ASXL1: variants seen among roughly 807,000 people sequenced by gnomAD.
The protein encoded by ASXL1 is polycomb group protein ASXL1.
A neutral mutation model predicts 89.1 loss-of-function variants in ASXL1; 65 were observed. That is an observed-to-expected ratio of 0.73 (90% confidence interval 0.60 to 0.90). The LOEUF is 0.90. Among genes scored for constraint, ASXL1 ranks in the 40% least tolerant of loss-of-function variants. ASXL1 has a pLI of 0.00. For missense variants in ASXL1, 1,786 were observed against 1,942.9 expected, an observed-to-expected ratio of 0.92 and a Z score of 1.52; for synonymous variants, 739 against 746.9, an observed-to-expected ratio of 0.99 and a Z score of 0.17.
chr20:32,437,607 T>C lies in ASXL1; in HGVS notation c.*269T>C. The C allele has an allele frequency of 2.5e-6, 1 of 404,168 alleles. No homozygotes were observed. Among genetic ancestry groups the C allele is most frequent in the Non-Finnish European group, 4.4e-6 (1 of 228,892 alleles). 25.0% of individuals were successfully genotyped at this position (404,168 alleles called of 1,614,324 possible). ...AGACAGAGCCTGATGTGGCACGGAG[T>C]GGGGTTGCGGGGGGTGGGGGGACTG... On this transcript the variant is annotated 3_prime_UTR_variant, in exon 13 of 13. Coordinates refer to ENST00000375687, the MANE Select transcript of ASXL1 (RefSeq NM_015338.6).
At chr20:32,427,717 T>C (rs1405882909) in intron 4 of ASXL1, 4 of 273,922 alleles carry the variant, frequency 1.5e-5, no homozygotes, top group South Asian at 7.9e-5. Context: ...GCTCAACTCA[T>C]TGAAGTTAGG....
chr20:32,386,698 G>T (rs773971461), intron 4 of ASXL1, among the ~76,000 whole-genome samples: 17 of 151,908 alleles, frequency 1.1e-4, no homozygotes, highest in Non-Finnish European at 2.2e-4. Context: ...GATTACAGAT[G>T]AGAGCCACCG....
At chr20:32,416,413 C>T (rs2049139601) in intron 4 of ASXL1, among the ~76,000 whole-genome samples, 1 of 152,218 alleles carries the variant, frequency 6.6e-6, no homozygotes. Context: ...CCACCTGCCA[C>T]CCTGGCCTGT....
At chr20:32,382,894 T>C (rs2048513867) in intron 4 of ASXL1, among the ~76,000 whole-genome samples, 1 of 152,304 alleles carries the variant, frequency 6.6e-6, no homozygotes, top group African/African-American at 2.4e-5. Flanking sequence ...TTTTTAATGC[T>C]TGGAATCCTA....
intron 4 of ASXL1, among the ~76,000 whole-genome samples, chr20:32,426,218 A>T (rs1422935008): frequency 5.3e-5 from 8 of 152,128 alleles, no homozygotes; most frequent in African/African-American, 1.9e-4. Flanking sequence ...TATATTTTTT[A>T]GGTTTTGGCT....
intron 4 of ASXL1, among the ~76,000 whole-genome samples, chr20:32,388,173 T>C (rs1195861288): frequency 6.6e-6 from 1 of 152,070 alleles, no homozygotes; most frequent in Non-Finnish European, 1.5e-5. Flanking sequence ...ATATATTTTA[T>C]TTATTTATTT....
chr20:32,376,850 TATATA>T (rs1321905877), intron 4 of ASXL1, among the ~76,000 whole-genome samples: 15 of 137,774 alleles, frequency 1.1e-4, no homozygotes, highest in African/African-American at 2.4e-4. Context: ...TCATGATAGA[TATATA>T]ATATATAATT....
At position 32,394,248 on chromosome 20, in the gene ASXL1, C is replaced by T. The variant is rs183066014; in HGVS notation, c.252+25125C>T. 2.8e-4 allele frequency among the ~76,000 whole-genome samples: 42 copies of T among 152,086 alleles called. No homozygotes were observed. The East Asian group carries it at 6.2e-3, about 22-fold the overall frequency. On this transcript the variant is annotated intron_variant, in intron 4 of 12. Transcript: ENST00000375687. ...CAAATTCCTGACCTTGTGATCTGCC[C>T]GCCTTGGCCTCCCAAAGTGCTGGGA...
chr20:32,433,511 A>G lies in ASXL1; in HGVS notation c.1313A>G (p.Asp438Gly). The G allele has an allele frequency of 1.2e-6, 2 of 1,614,198 alleles. No individual in the cohort carries two copies. The highest frequency in any genetic ancestry group is 1.7e-6 in the Non-Finnish European group (2 of 1,180,024). The change falls in exon 12 of 13, where the codon GAT (aspartate) becomes GGT (glycine). Residue 438 changes from aspartate to glycine, a missense_variant. Physicochemically the swap from Asp to Gly is moderately conservative, Grantham distance 94 (BLOSUM62 -1). Around this residue, in one of 3 missense-constraint regions of ASXL1, gnomAD observed 1,418 missense variants for 1,427.8 expected, o/e 0.99. Transcript: ENST00000375687. ...TCAGAACAAGCAGGGGTTGCTAAGG[A>G]TGCAAAATCTGTGGCCTCAGATGTT... ...QESEQAGVAKDAKSVASDVPL... is the reference protein window; with the variant it reads ...QESEQAGVAKGAKSVASDVPL...
chr20:32,428,572 C>A, intron 6 of ASXL1, 150 bp downstream of exon 6: 1 of 741,076 alleles, frequency 1.3e-6, no homozygotes, highest in Non-Finnish European at 2.3e-6. Flanking sequence ...TAACAGGGGG[C>A]CGCAGGAAAA....
intron 4 of ASXL1, among the ~76,000 whole-genome samples, chr20:32,415,801 C>T (rs2049128442): frequency 6.6e-6 from 1 of 152,120 alleles, no homozygotes; most frequent in South Asian, 2.1e-4. Flanking sequence ...TGCATGTACA[C>T]TTTTACTGTT....
chr20:32,368,677 C>T (rs539053297), intron 3 of ASXL1, among the ~76,000 whole-genome samples: 1 of 152,038 alleles, frequency 6.6e-6, no homozygotes, highest in South Asian at 2.1e-4. Flanking sequence ...TAAAATTTTA[C>T]TAAAAATTTA....
At position 32,411,052 on chromosome 20, in the gene ASXL1, A is replaced by T. The variant is rs1239208236; in HGVS notation, c.253-17076A>T. On this transcript the variant is annotated intron_variant, in intron 4 of 12. Coordinates refer to ENST00000375687, the MANE Select transcript of ASXL1 (RefSeq NM_015338.6). The stretch of plus-strand genomic sequence containing the variant: ...GTCTCAAAAAAAAAAAAAAATAAAA[A>T]AAATAAAAAAAAATTAGTACTCTGA... Among the ~76,000 whole-genome samples the T allele has an allele frequency of 1.9e-3, 49 of 25,530 alleles. 4 individuals are homozygous for T. The highest frequency in any genetic ancestry group is 5.3e-3 in the Non-Finnish European group (39 of 7,318). 16.7% of individuals were successfully genotyped at this position (25,530 alleles called of 152,430 possible). A position where few individuals can be genotyped will look rare whatever the true frequency, so the allele number is the denominator to read the frequency against.
chr20:32,431,493 G>T lies in ASXL1; in HGVS notation c.882+9G>T. The T allele has an allele frequency of 1.2e-6, 2 of 1,614,046 alleles. No homozygotes were observed. The highest frequency in any genetic ancestry group is 1.7e-6 in the Non-Finnish European group (2 of 1,179,986). On this transcript the variant is annotated intron_variant, in intron 9 of 12. Coordinates refer to ENST00000375687, the MANE Select transcript of ASXL1 (RefSeq NM_015338.6). ...CTGAAGTAGACAGACAGGTGCACAT[G>T]GGCAGCCTCCCCTTTGCCTCTCTCT... is the stretch of plus-strand genomic sequence containing the variant.
intron 4 of ASXL1, among the ~76,000 whole-genome samples, chr20:32,397,811 G>A (rs748967647): frequency 9.2e-5 from 14 of 152,216 alleles, no homozygotes; most frequent in Non-Finnish European, 1.6e-4. Flanking sequence ...CCTGCTGGCC[G>A]CAGGTTGGAC....
chr20:32,365,426 G>A (rs111852571), intron 1 of ASXL1, among the ~76,000 whole-genome samples: 20 of 152,194 alleles, frequency 1.3e-4, no homozygotes, highest in African/African-American at 4.6e-4. Context: ...AGACGAGATC[G>A]GGCACATTCA....
chr20:32,437,566 C>A lies in ASXL1; in HGVS notation c.*228C>A. 1.6e-6 allele frequency: 1 copy of A among 619,390 alleles called. No individual in the cohort carries two copies. Among genetic ancestry groups the A allele is most frequent in the Non-Finnish European group, 2.8e-6 (1 of 363,216 alleles). 38.4% of individuals were successfully genotyped at this position (619,390 alleles called of 1,614,324 possible). A position where few individuals can be genotyped will look rare whatever the true frequency, so the allele number is the denominator to read the frequency against. On this transcript the variant is annotated 3_prime_UTR_variant, in exon 13 of 13. Transcript: ENST00000375687. ...CATTGGGCTGCCCAAGGCCAGCCAG[C>A]CTGAGCTCTCCTGCAAGACAGAGCC...
In ASXL1 at chr20:32,359,420, G is replaced by A. The variant is rs914201399; in HGVS notation, c.57+588G>A. The A allele has an allele frequency of 1.3e-5, 9 of 702,138 alleles. No individual in the cohort carries two copies. The African/African-American group carries it at 1.4e-4, about 11-fold the overall frequency. 43.5% of individuals were successfully genotyped at this position (702,138 alleles called of 1,614,324 possible). A position where few individuals can be genotyped will look rare whatever the true frequency, so the allele number is the denominator to read the frequency against. ...TTTAGTGTCCTGTGGGCGACACCTG[G>A]GAGGCGGTTAGGAACGCTACTCCTA... On this transcript the variant is annotated intron_variant, in intron 1 of 12. Coordinates refer to ENST00000375687, the MANE Select transcript of ASXL1 (RefSeq NM_015338.6).
At chr20:32,360,203 G>C (rs145022789) in intron 1 of ASXL1, 1 of 181,670 alleles carries the variant, frequency 5.5e-6, no homozygotes, top group Non-Finnish European at 1.2e-5. Flanking sequence ...ATTGGTGCTT[G>C]CTATCCTCTT....
Sources: gnomAD v4.1 joint callset for allele counts (sites outside exome capture counted in the v4.1 genomes callset) on GRCh38, gnomAD v4.1.1 for gene constraint, gnomAD v4.1.1 regional missense constraint, MANE v1.5 for transcripts, NCBI Gene and HGNC (gene_info 2026-07-23, HGNC 2026-07-21) for gene names.